Variants in NR3C2 observed in about 807,000 individuals in gnomAD.
NR3C2 encodes the protein mineralocorticoid receptor.
Under a neutral mutation model 86.4 loss-of-function variants are expected in NR3C2, and 15 were observed. That is an observed-to-expected ratio of 0.17 (90% CI 0.12 to 0.27). NR3C2 has a LOEUF of 0.27. NR3C2 is among the 10% of genes least tolerant of loss of function. The pLI, the probability that NR3C2 is intolerant of heterozygous loss-of-function variation, is 1.00. For synonymous variants in NR3C2, 458 were observed against 450.5 expected (o/e 1.02, Z -0.21); for missense variants, 960 against 1,195.6 (o/e 0.80, Z 2.91).
intron 3 of NR3C2, among the ~76,000 whole-genome samples, chr4:148,224,259 C>G (rs953842548): frequency 6.6e-6 from 1 of 151,870 alleles, no homozygotes; most frequent in Non-Finnish European, 1.5e-5. Context: ...AATTTTATGA[C>G]TAAGAGAAAA....
chr4:148,117,579 G>C (rs11731400), intron 7 of NR3C2, among the ~76,000 whole-genome samples: 19,135 of 152,138 alleles, frequency 0.13, 1,365 homozygotes, highest in South Asian at 0.2. Flanking sequence ...CAATCTCCCA[G>C]GGTAATTTTA....
chr4:148,304,185 C>T (rs1742486235), intron 2 of NR3C2, among the ~76,000 whole-genome samples: 1 of 152,122 alleles, frequency 6.6e-6, no homozygotes, highest in African/African-American at 2.4e-5. Flanking sequence ...TGTTGCCATA[C>T]TGTGGGACAC....
At chr4:148,427,581 G>C (rs2126629928) in intron 2 of NR3C2, among the ~76,000 whole-genome samples, 2 of 151,972 alleles carry the variant, frequency 1.3e-5, no homozygotes, top group East Asian at 3.9e-4. Flanking sequence ...CCCCAGCAGG[G>C]TGAGGACAGC....
At chr4:148,349,054 G>A (rs1173127053) in intron 2 of NR3C2, among the ~76,000 whole-genome samples, 3 of 152,076 alleles carry the variant, frequency 2.0e-5, no homozygotes, top group Non-Finnish European at 4.4e-5. Context: ...AAAATGAAAC[G>A]ATCATTAGAC....
chr4:148,434,137 A>C (rs535448347), intron 2 of NR3C2, among the ~76,000 whole-genome samples: 1 of 152,334 alleles, frequency 6.6e-6, no homozygotes, highest in East Asian at 1.9e-4. Flanking sequence ...AAAGGAAACT[A>C]TCCACATAGT....
At chr4:148,343,601 T>C (rs1366941444) in intron 2 of NR3C2, among the ~76,000 whole-genome samples, 2 of 152,120 alleles carry the variant, frequency 1.3e-5, no homozygotes, top group African/African-American at 4.8e-5. Flanking sequence ...TTTCTCATTG[T>C]GATTTGCAGA....
chr4:148,413,023 C>T (rs1244717629), intron 2 of NR3C2, among the ~76,000 whole-genome samples: 1 of 152,168 alleles, frequency 6.6e-6, no homozygotes, highest in Non-Finnish European at 1.5e-5. Flanking sequence ...AATAACTGAT[C>T]AAAACTAGAA....
At chr4:148,302,395 T>C (rs1379275342) in intron 2 of NR3C2, among the ~76,000 whole-genome samples, 3 of 53,990 alleles carry the variant, frequency 5.6e-5, no homozygotes, top group Admixed American at 2.0e-4. Context: ...CCTTTAATAA[T>C]TGAGTAAACA....
chr4:148,201,542 C>T (rs1736719492), intron 3 of NR3C2, among the ~76,000 whole-genome samples: 1 of 152,176 alleles, frequency 6.6e-6, no homozygotes. Flanking sequence ...TATCTCTCTT[C>T]ACAAGTACAG....
intron 8 of NR3C2, among the ~76,000 whole-genome samples, chr4:148,088,753 T>A (rs1730931939): frequency 1.3e-5 from 2 of 151,756 alleles, no homozygotes; most frequent in African/African-American, 4.9e-5. Context: ...TTAGGAGAAA[T>A]ACCTAATGTA....
At chr4:148,175,674 TTATTTTTC>T (rs1386411130) in intron 4 of NR3C2, among the ~76,000 whole-genome samples, 1 of 152,242 alleles carries the variant, frequency 6.6e-6, no homozygotes, top group Non-Finnish European at 1.5e-5. Flanking sequence ...CTTTCATTTC[TTATTTTTC>T]TATTTTTCTA....
chr4:148,338,538 C>CA (rs1454829165), intron 2 of NR3C2, among the ~76,000 whole-genome samples: 1 of 151,892 alleles, frequency 6.6e-6, no homozygotes, highest in Non-Finnish European at 1.5e-5. Context: ...AAAATCAGGT[C>CA]AAAAATCAAA....
intron 2 of NR3C2, among the ~76,000 whole-genome samples, chr4:148,290,181 T>C (rs1465792161): frequency 1.3e-5 from 2 of 152,180 alleles, no homozygotes; most frequent in Non-Finnish European, 2.9e-5. Flanking sequence ...CATGGTCCGC[T>C]CTATACACAG....
At chr4:148,325,739 A>G (rs1743933994) in intron 2 of NR3C2, among the ~76,000 whole-genome samples, 1 of 152,206 alleles carries the variant, frequency 6.6e-6, no homozygotes, top group Admixed American at 6.5e-5. Flanking sequence ...TTTTTCCCCA[A>G]TGACTGTATC....
In NR3C2 at chr4:148,435,543, A is replaced by G; in HGVS notation, c.1318T>C (p.Ser440Pro). ...ESTKHSCSGT[S>P]FKGNPTVNPF... ...TTTACTGTTGGATTCCCTTTAAAAG[A>G]GGTGCCTGAACATGAATGCTTGGTT... Residue 440 changes from serine to proline, a missense_variant, in exon 2 of 9, where the codon TCT becomes CCT. Ser to Pro is a moderately conservative substitution (Grantham distance 74). Transcript: ENST00000358102. 1 of 1,614,122 alleles carries G rather than the reference A, an allele frequency of 6.2e-7. No individual in the cohort carries two copies. Among genetic ancestry groups the G allele is most frequent in the Non-Finnish European group, 8.5e-7 (1 of 1,180,032 alleles).
chr4:148,327,533 T>C, intron 2 of NR3C2, among the ~76,000 whole-genome samples: 1 of 152,156 alleles, frequency 6.6e-6, no homozygotes. Flanking sequence ...TTCTTCCCCA[T>C]AGTCAGTAAT....
chr4:148,310,084 C>T (rs1219375800), intron 2 of NR3C2, among the ~76,000 whole-genome samples: 1 of 152,102 alleles, frequency 6.6e-6, no homozygotes, highest in East Asian at 1.9e-4. Context: ...ATCATAATAA[C>T]TAGAATTATT....
At chr4:148,135,148 A>G (rs1733240350) in intron 6 of NR3C2, among the ~76,000 whole-genome samples, 1 of 152,178 alleles carries the variant, frequency 6.6e-6, no homozygotes, top group Admixed American at 6.5e-5. Flanking sequence ...GAAAAGGAAC[A>G]GCAGTGGTAT....
At chr4:148,101,000 C>T (rs1374600159) in intron 8 of NR3C2, among the ~76,000 whole-genome samples, 2 of 150,040 alleles carry the variant, frequency 1.3e-5, no homozygotes, top group South Asian at 2.1e-4. Context: ...ACATGAGCTA[C>T]TCCCAGTAGT....
Sources: gnomAD v4.1 joint callset for allele counts (sites outside exome capture counted in the v4.1 genomes callset) on GRCh38, gnomAD v4.1.1 for gene constraint, MANE v1.5 for transcripts, NCBI Gene and HGNC (gene_info 2026-07-23, HGNC 2026-07-21) for gene names.